SOX5: variants seen among roughly 807,000 people sequenced by gnomAD.
SOX5 encodes transcription factor SOX-5.
Under a neutral mutation model 92.0 loss-of-function variants are expected in SOX5, and 9 were observed. The ratio of observed to expected loss-of-function variants is 0.10; its 90% CI spans 0.06 to 0.17. The LOEUF (loss-of-function observed/expected upper bound fraction) is 0.17. Among genes scored for constraint, SOX5 ranks in the 10% least tolerant of loss-of-function variants. The pLI is 1.00. For synonymous variants in SOX5, 344 were observed against 336.3 expected, an observed-to-expected ratio of 1.02 and a Z score of -0.25; for missense variants, 642 against 944.5, an observed-to-expected ratio of 0.68 and a Z score of 4.20.
intron 1 of SOX5, among the ~76,000 whole-genome samples, chr12:23,947,452 T>C (rs1843121265): frequency 6.6e-6 from 1 of 151,954 alleles, no homozygotes; most frequent in South Asian, 2.1e-4. Context: ...CACTGTATCA[T>C]GCATGGGTGC....
intron 3 of SOX5, among the ~76,000 whole-genome samples, chr12:24,245,029 T>C (rs1398097363): frequency 6.6e-6 from 1 of 152,164 alleles, no homozygotes; most frequent in African/African-American, 2.4e-5. Context: ...CTGACTCATG[T>C]TTCAGGGAAG....
intron 1 of SOX5, among the ~76,000 whole-genome samples, chr12:24,555,650 C>T (rs1271292326): frequency 3.3e-5 from 5 of 151,908 alleles, no homozygotes; most frequent in Non-Finnish European, 4.4e-5. Context: ...GGTGATACTG[C>T]CATTACACTC....
rs200110798 is a variant in SOX5 at position 23,767,247 on chromosome 12, C to T, written c.482-11523G>A. 8.6e-5 allele frequency among the ~76,000 whole-genome samples: 12 copies of T among 138,840 alleles called. No individual in the cohort carries two copies. In the East Asian group the frequency reaches 9.7e-4, roughly 11 times the overall value. The allele number at this position is 138,840 out of a possible 152,430, so 91.1% of individuals were successfully genotyped here. On this transcript the variant is annotated intron_variant, in intron 3 of 14. Coordinates refer to ENST00000451604, the MANE Select transcript of SOX5 (RefSeq NM_006940.6). Reference sequence around the variant, plus strand: ...ACACACACACACACACACACACACACATATATATATTCATCAACATAATGT... The same window carrying T: ...ACACACACACACACACACACACACATATATATATATTCATCAACATAATGT...
intron 8 of SOX5, among the ~76,000 whole-genome samples, chr12:23,610,051 A>AT (rs2075767376): frequency 6.6e-6 from 1 of 152,024 alleles, no homozygotes; most frequent in South Asian, 2.1e-4. Flanking sequence ...AATTGTTGCT[A>AT]TTTTGGGAAA....
chr12:23,729,779 T>G (rs1361364432), intron 6 of SOX5, among the ~76,000 whole-genome samples: 1 of 152,200 alleles, frequency 6.6e-6, no homozygotes, highest in Non-Finnish European at 1.5e-5. Context: ...TCTTTAAACT[T>G]GCAATTAAAA....
intron 1 of SOX5, among the ~76,000 whole-genome samples, chr12:24,386,431 A>G (rs1321657366): frequency 3.3e-5 from 5 of 152,146 alleles, no homozygotes; most frequent in Admixed American, 1.3e-4. Context: ...TGTAATTAAT[A>G]CTATTATCAA....
At position 24,110,817 on chromosome 12, in the gene SOX5, C is replaced by T. The variant is rs548861367; in HGVS notation, c.-2+102526G>A. Among the ~76,000 whole-genome samples the T allele has an allele frequency of 1.8e-4, 25 of 138,130 alleles. No homozygotes were observed. In the South Asian group the frequency reaches 6.1e-3, roughly 34 times the overall value. 90.6% of individuals were successfully genotyped at this position (138,130 alleles called of 152,430 possible). ...TCGGGAGGCTGAGGCGGAAGGATGGCGTGAACCCAGGAGGCGGAGCTTGCA... is the reference window on the plus strand; with the variant it reads ...TCGGGAGGCTGAGGCGGAAGGATGGTGTGAACCCAGGAGGCGGAGCTTGCA... On this transcript the variant is annotated intron_variant, in intron 4 of 4. Transcript: ENST00000446891.
chr12:23,560,750 T>C (rs532907008), intron 11 of SOX5, among the ~76,000 whole-genome samples: 1 of 152,350 alleles, frequency 6.6e-6, no homozygotes, highest in South Asian at 2.1e-4. Context: ...ATTATCTCAT[T>C]TTCATGATGT....
chr12:23,536,794 G>C, intron 13 of SOX5, 125 bp from the exon 14 acceptor site: 1 of 717,868 alleles, frequency 1.4e-6, no homozygotes, highest in Non-Finnish European at 2.4e-6. Flanking sequence ...ACATAAACCT[G>C]TTTTTGATTA....
At chr12:23,846,562 T>A (rs2096577470) in intron 2 of SOX5, among the ~76,000 whole-genome samples, 1 of 152,194 alleles carries the variant, frequency 6.6e-6, no homozygotes, top group Non-Finnish European at 1.5e-5. Context: ...TTCCTGCTTT[T>A]GTTTGAGAGC....
chr12:23,889,963 C>T lies in SOX5; in HGVS notation c.270+5830G>A, dbSNP rs2097111431. On this transcript the variant is annotated intron_variant, in intron 2 of 14. Transcript: ENST00000451604. ...TTATATGTTAAAAAATATACACACA[C>T]AGTATTTATTTCATAATAAAATTCA... Among the ~76,000 whole-genome samples, 7 of 152,074 alleles carry T rather than the reference C, an allele frequency of 4.6e-5. No individual in the cohort carries two copies. The South Asian group carries it at 1.5e-3, about 32-fold the overall frequency.
At chr12:24,344,719 G>T (rs569663856) in intron 2 of SOX5, among the ~76,000 whole-genome samples, 12 of 152,260 alleles carry the variant, frequency 7.9e-5, no homozygotes, top group Admixed American at 7.2e-4. Context: ...AATGTGCTCT[G>T]AATAACCGAA....
intron 2 of SOX5, among the ~76,000 whole-genome samples, chr12:23,856,639 G>C (rs1286485187): frequency 6.6e-6 from 1 of 152,086 alleles, no homozygotes; most frequent in African/African-American, 2.4e-5. Flanking sequence ...TTCAGGTGCT[G>C]CAAGATATGC....
intron 3 of SOX5, among the ~76,000 whole-genome samples, chr12:24,263,136 G>A (rs1942424016): frequency 1.3e-5 from 2 of 152,138 alleles, no homozygotes; most frequent in African/African-American, 2.4e-5. Flanking sequence ...TGAGACAGGA[G>A]AATTGCTTGA....
intron 6 of SOX5, among the ~76,000 whole-genome samples, chr12:23,691,847 C>T (rs2088880680): frequency 6.6e-6 from 1 of 151,858 alleles, no homozygotes; most frequent in Non-Finnish European, 1.5e-5. Context: ...TATATATTTG[C>T]CTCTTAGTTC....
At chr12:24,179,170 T>C (rs1955178675) in intron 4 of SOX5, among the ~76,000 whole-genome samples, 1 of 152,210 alleles carries the variant, frequency 6.6e-6, no homozygotes, top group Non-Finnish European at 1.5e-5. Context: ...TTTAACATTG[T>C]AGAGCACTCT....
chr12:24,353,822 G>A (rs376105889), intron 2 of SOX5, among the ~76,000 whole-genome samples: 2 of 151,962 alleles, frequency 1.3e-5, no homozygotes, highest in East Asian at 3.9e-4. Context: ...TGTATTTTTA[G>A]TAGAGACAGG....
At chr12:23,904,971 G>A (rs965464569) in intron 1 of SOX5, among the ~76,000 whole-genome samples, 1 of 152,054 alleles carries the variant, frequency 6.6e-6, no homozygotes, top group Non-Finnish European at 1.5e-5. Context: ...AAGGTACAAG[G>A]TTCTCCCAGG....
chr12:24,454,786 TAAC>T lies in SOX5; in HGVS notation c.-250-86150_-250-86148del, dbSNP rs35096954. ...ATTTGAATTATGTTTATGGTAATAA[TAAC>T]TAATTTTTTTTCATGACATAGGTTA... On this transcript the variant is annotated intron_variant, in intron 1 of 4. Coordinates refer to the SOX5 transcript ENST00000446891. Among the ~76,000 whole-genome samples, 220 of 152,288 alleles carry T rather than the reference TAAC, an allele frequency of 1.4e-3. 2 individuals carry two copies. The highest frequency in any genetic ancestry group is 4.2e-3 in the African/African-American group (174 of 41,558).
Sources: allele counts gnomAD v4.1 joint callset (sites outside exome capture counted in the v4.1 genomes callset), GRCh38; gene constraint gnomAD v4.1.1; transcripts MANE v1.5; gene names NCBI Gene and HGNC (gene_info 2026-07-23, HGNC 2026-07-21).